The following SV2C variants were observed in gnomAD, a reference collection of about 807,000 sequenced individuals.
SV2C encodes solute carrier family 22 member B3.
SV2C carries 49 observed loss-of-function variants against 79.7 expected under a neutral mutation model. The ratio of observed to expected loss-of-function variants is 0.61; its 90% CI spans 0.49 to 0.78. The LOEUF is 0.78. Among genes scored for constraint, SV2C ranks in the 30% least tolerant of loss-of-function variants. The pLI is 0.00. For missense variants in SV2C, 833 were observed against 912.9 expected, an observed-to-expected ratio of 0.91 and a Z score of 1.13; for synonymous variants, 334 against 333.2, an observed-to-expected ratio of 1.00 and a Z score of -0.03.
At chr5:76,315,138 C>T (rs745711337) in intron 12 of SV2C, among the ~76,000 whole-genome samples, 6 of 151,558 alleles carry the variant, frequency 4.0e-5, no homozygotes, top group Admixed American at 6.6e-5. Flanking sequence ...AGGCCCTGCT[C>T]GAAGGGGTGC....
At chr5:76,034,248 C>G in the SV2C span, among the ~76,000 whole-genome samples, 4 of 152,094 alleles carry the variant, frequency 2.6e-5, no homozygotes, top group East Asian at 1.9e-4. Flanking sequence ...ATTTCCTTCT[C>G]CTGCCTGATT....
the SV2C span, among the ~76,000 whole-genome samples, chr5:75,971,907 A>G: frequency 2.1e-4 from 32 of 152,144 alleles, no homozygotes; most frequent in East Asian, 9.6e-4. Context: ...GAGGCATCAC[A>G]CTACCTGACT....
chr5:76,071,647 C>A, the SV2C span, among the ~76,000 whole-genome samples: 6 of 152,242 alleles, frequency 3.9e-5, no homozygotes, highest in African/African-American at 1.4e-4. Context: ...AGCACCAATA[C>A]CTTTAGATCA....
intron 1 of SV2C, among the ~76,000 whole-genome samples, chr5:76,092,721 C>T (rs969245004): frequency 3.9e-5 from 6 of 152,144 alleles, no homozygotes; most frequent in Admixed American, 3.9e-4. Flanking sequence ...TTTTTATCTT[C>T]TCTTGCTGTG....
At chr5:76,293,824 G>A (rs1747643037) in intron 8 of SV2C, among the ~76,000 whole-genome samples, 1 of 152,138 alleles carries the variant, frequency 6.6e-6, no homozygotes, top group African/African-American at 2.4e-5. Context: ...CCAGGAAGGT[G>A]GATATTCCCA....
the SV2C span, among the ~76,000 whole-genome samples, chr5:76,025,472 C>T: frequency 6.6e-6 from 1 of 152,140 alleles, no homozygotes; most frequent in Non-Finnish European, 1.5e-5. Context: ...CTACCTAACA[C>T]CTTAAACATC....
At chr5:76,024,003 G>T in the SV2C span, among the ~76,000 whole-genome samples, 59 of 151,888 alleles carry the variant, frequency 3.9e-4, no homozygotes, top group African/African-American at 1.3e-3. Context: ...ATCCCCTGGG[G>T]TAGGGGAAAC....
At chr5:76,231,794 T>G (rs1428518478) in intron 4 of SV2C, among the ~76,000 whole-genome samples, 1 of 146,018 alleles carries the variant, frequency 6.8e-6, no homozygotes, top group Non-Finnish European at 1.5e-5. Flanking sequence ...TGCATAGTAT[T>G]CCATGGTGTA....
At chr5:76,246,992 C>T (rs1398201019) in intron 4 of SV2C, among the ~76,000 whole-genome samples, 1 of 152,144 alleles carries the variant, frequency 6.6e-6, no homozygotes, top group Non-Finnish European at 1.5e-5. Context: ...TTTGCTTTTC[C>T]TCTGAAACTA....
At chr5:76,127,465 C>T (rs1357022490) in intron 1 of SV2C, among the ~76,000 whole-genome samples, 1 of 152,164 alleles carries the variant, frequency 6.6e-6, no homozygotes, top group Non-Finnish European at 1.5e-5. Context: ...TCGCTGTGAA[C>T]GTTGTTTGGT....
the SV2C span, among the ~76,000 whole-genome samples, chr5:76,057,234 TG>T: frequency 6.6e-6 from 1 of 152,120 alleles, no homozygotes; most frequent in Non-Finnish European, 1.5e-5. Flanking sequence ...GTAAGTTTTT[TG>T]TTTTTTTTTA....
chr5:76,050,591 T>C, the SV2C span, among the ~76,000 whole-genome samples: 1 of 148,336 alleles, frequency 6.7e-6, no homozygotes, highest in Non-Finnish European at 1.5e-5. Context: ...TCTCTCTCTT[T>C]CACTCTCTCT....
chr5:76,000,779 G>A, the SV2C span, among the ~76,000 whole-genome samples: 6,036 of 152,040 alleles, frequency 0.04, 427 homozygotes, highest in African/African-American at 0.14. Flanking sequence ...TTTATAGTTC[G>A]GCTTCTGGCA....
intron 2 of SV2C, among the ~76,000 whole-genome samples, chr5:76,182,075 A>G (rs763893997): frequency 2.6e-5 from 4 of 151,696 alleles, no homozygotes; most frequent in Admixed American, 6.6e-5. Flanking sequence ...CTATCCTCTC[A>G]TTGTTCATAT....
the SV2C span, among the ~76,000 whole-genome samples, chr5:75,970,147 C>A: frequency 6.6e-6 from 1 of 151,758 alleles, no homozygotes; most frequent in Non-Finnish European, 1.5e-5. Flanking sequence ...TACAACATAC[C>A]AGAATCTCTT....
At chr5:76,010,256 T>C in the SV2C span, among the ~76,000 whole-genome samples, 2 of 152,190 alleles carry the variant, frequency 1.3e-5, no homozygotes, top group South Asian at 4.1e-4. Context: ...AATTCATAAT[T>C]ACGGGAGCCC....
At chr5:75,918,390 G>T in the SV2C span, among the ~76,000 whole-genome samples, 1 of 152,208 alleles carries the variant, frequency 6.6e-6, no homozygotes, top group Non-Finnish European at 1.5e-5. Flanking sequence ...TGAACAGAAT[G>T]ATAGTTGCAT....
chr5:76,132,487 T>TA (rs1748935939), intron 2 of SV2C, among the ~76,000 whole-genome samples, 157 bp downstream of exon 2: 1 of 152,226 alleles, frequency 6.6e-6, no homozygotes, highest in Admixed American at 6.5e-5. Flanking sequence ...AGAATCAAAA[T>TA]AATTGTACAG....
intron 12 of SV2C, among the ~76,000 whole-genome samples, chr5:76,324,258 C>G (rs890214607): frequency 1.3e-5 from 2 of 152,090 alleles, no homozygotes; most frequent in Non-Finnish European, 2.9e-5. Context: ...CCCTGCTCAG[C>G]CTGCCATACA....
Sources: gnomAD v4.1 joint callset for allele counts (sites outside exome capture counted in the v4.1 genomes callset) on GRCh38, gnomAD v4.1.1 for gene constraint, MANE v1.5 for transcripts, NCBI Gene and HGNC (gene_info 2026-07-23, HGNC 2026-07-21) for gene names.